PRPF6: variants seen among roughly 807,000 people sequenced by gnomAD.
PRPF6 encodes the protein pre-mRNA-processing factor 6.
In PRPF6, 42 loss-of-function variants were observed where a neutral mutation model predicts 118.3. The observed-to-expected ratio is 0.35, with a 90% confidence interval of 0.28 to 0.46. The LOEUF (loss-of-function observed/expected upper bound fraction) is 0.46. Ranked by LOEUF, PRPF6 falls within the 20% of genes least tolerant of loss-of-function variation. PRPF6 has a pLI of 1.00. For missense variants in PRPF6, 662 were observed against 1,255.7 expected, an observed-to-expected ratio of 0.53 and a Z score of 7.15; for synonymous variants, 481 against 485.1, an observed-to-expected ratio of 0.99 and a Z score of 0.11.
In PRPF6 at chr20:64,027,819, G is replaced by A. The variant is rs554027919; in HGVS notation, c.2339+83G>A. On this transcript the variant is annotated intron_variant, in intron 17 of 20. Transcript: ENST00000266079. The surrounding 1 kb of genome is among the most constrained non-coding windows in gnomAD (Gnocchi z 6.5). Reference sequence around the variant, plus strand: ...GCCGTCACCCAGCTGCTTGTGTGGAGTCACTCGTGCAGTGCTTCCAGGCTC... The same window carrying A: ...GCCGTCACCCAGCTGCTTGTGTGGAATCACTCGTGCAGTGCTTCCAGGCTC... 44 of 1,582,974 alleles carry A rather than the reference G, an allele frequency of 2.8e-5. No homozygotes were observed. The African/African-American group carries it at 5.0e-4, about 18-fold the overall frequency.
At chr20:63,999,582 T>C in intron 7 of PRPF6, 21 bp from the exon 8 acceptor site, 1 of 1,613,754 alleles carries the variant, frequency 6.2e-7, no homozygotes, top group Non-Finnish European at 8.5e-7. Flanking sequence ...CCTGATGCCG[T>C]GTGCACTCTC....
intron 3 of PRPF6, among the ~76,000 whole-genome samples, chr20:63,991,744 C>T (rs1238666095): frequency 2.0e-5 from 3 of 151,506 alleles, no homozygotes; most frequent in African/African-American, 4.9e-5. Flanking sequence ...GAGCTGAGAT[C>T]GCACCACTGC....
At chr20:64,003,065 C>T (rs2059174991) in intron 9 of PRPF6, among the ~76,000 whole-genome samples, 1 of 152,018 alleles carries the variant, frequency 6.6e-6, no homozygotes, top group Admixed American at 6.6e-5. Flanking sequence ...CCAGCTTAGC[C>T]TCCCAAGTAG....
chr20:64,017,531 G>A (rs112017279), intron 12 of PRPF6, among the ~76,000 whole-genome samples: 2 of 150,212 alleles, frequency 1.3e-5, no homozygotes, highest in East Asian at 2.0e-4. Flanking sequence ...GATCACAGGC[G>A]TGAGCCGCCG....
At chr20:64,019,383 G>A (rs1370236613) in intron 12 of PRPF6, among the ~76,000 whole-genome samples, 1 of 152,090 alleles carries the variant, frequency 6.6e-6, no homozygotes, top group Admixed American at 6.5e-5. Flanking sequence ...ACTGCTCCTG[G>A]CCTGTTTTTC....
At chr20:64,023,511 G>A (rs761920444) in intron 13 of PRPF6, among the ~76,000 whole-genome samples, 2 of 152,170 alleles carry the variant, frequency 1.3e-5, no homozygotes, top group Non-Finnish European at 2.9e-5. Flanking sequence ...TACCAGGTGA[G>A]GACAGGCCCT....
intron 7 of PRPF6, among the ~76,000 whole-genome samples, 197 bp downstream of exon 7, chr20:63,999,336 T>C (rs527774374): frequency 1.3e-5 from 2 of 152,186 alleles, no homozygotes; most frequent in East Asian, 3.9e-4. Context: ...CATATGATAC[T>C]GCAAAGTCCC....
chr20:64,016,640 C>A, intron 11 of PRPF6, 83 bp from the exon 12 acceptor site: 1 of 1,559,692 alleles, frequency 6.4e-7, no homozygotes, highest in South Asian at 1.2e-5. Flanking sequence ...CAGTTTTAAC[C>A]GTTCAGGAAC....
intron 9 of PRPF6, among the ~76,000 whole-genome samples, chr20:64,003,427 A>G (rs913156436): frequency 1.3e-5 from 2 of 152,182 alleles, no homozygotes; most frequent in African/African-American, 4.8e-5. Flanking sequence ...CTTATCAAAT[A>G]TAGTTTCATT....
rs1324928041 is a variant in PRPF6 at position 64,011,169 on chromosome 20, T to C, written c.1306-116T>C. The C allele has an allele frequency of 8.0e-6, 7 of 872,802 alleles. No homozygotes were observed. The highest frequency in any genetic ancestry group is 1.1e-5 in the Non-Finnish European group (6 of 537,510). 54.1% of individuals were successfully genotyped at this position (872,802 alleles called of 1,614,324 possible). A position where few individuals can be genotyped will look rare whatever the true frequency, so the allele number is the denominator to read the frequency against. On this transcript the variant is annotated intron_variant, in intron 10 of 20. Transcript: ENST00000266079. This position sits in a 1 kb window ranked among gnomAD's most constrained non-coding sequence, Gnocchi z 6.7. Reference sequence around the variant, plus strand: ...ACTTCTCAGGCCATGTTCAGATGGTTCTCGAGAGCTAAGAAAGAACGTGGT... The same window carrying C: ...ACTTCTCAGGCCATGTTCAGATGGTCCTCGAGAGCTAAGAAAGAACGTGGT...
intron 6 of PRPF6, among the ~76,000 whole-genome samples, chr20:63,997,850 C>T (rs1203257706): frequency 1.3e-5 from 2 of 152,060 alleles, no homozygotes; most frequent in Admixed American, 6.6e-5. Flanking sequence ...GCTGGGATTA[C>T]AGGCATGAGC....
rs759467530 is a variant in PRPF6, at chr20:64,028,439, G to A, written c.2340-39G>A. On this transcript the variant is annotated intron_variant, in intron 17 of 20. Coordinates refer to ENST00000266079, the MANE Select transcript of PRPF6 (RefSeq NM_012469.4). The surrounding 1 kb of genome is among the most constrained non-coding windows in gnomAD (Gnocchi z 6.5). ...GAAGCTACCAGAATATGTGCTGTTG[G>A]TAGACGGCTGTGGGACCTCCGGGGG... is the stretch of plus-strand genomic sequence containing the variant. 6.2e-7 allele frequency: 1 copy of A among 1,606,650 alleles called. No homozygotes were observed. The highest frequency in any genetic ancestry group is 1.1e-5 in the South Asian group (1 of 90,944).
rs58839408 is a variant in PRPF6 at position 64,021,289 on chromosome 20, CGTGTGTGT to C, written c.1648-1456_1648-1449del. ...CCTATGCCTTGGCCACAGCCCCGTG[CGTGTGTGT>C]GTGTGTGTGTGCATGTATGCATATG... is the stretch of plus-strand genomic sequence containing the variant. On this transcript the variant is annotated intron_variant, in intron 12 of 20. Transcript: ENST00000266079. 2.2e-5 allele frequency among the ~76,000 whole-genome samples: 3 copies of C among 138,894 alleles called. No homozygotes were observed. The Admixed American group carries it at 2.2e-4, about 10-fold the overall frequency. The allele number at this position is 138,894 out of a possible 152,430, so 91.1% of individuals were successfully genotyped here.
At position 64,013,359 on chromosome 20, in the gene PRPF6, G is replaced by A. The variant is rs534719236; in HGVS notation, c.1524+1856G>A. 3.9e-5 allele frequency among the ~76,000 whole-genome samples: 6 copies of A among 152,268 alleles called. No individual in the cohort carries two copies. In the South Asian group the frequency reaches 1.2e-3, roughly 32 times the overall value. On this transcript the variant is annotated intron_variant, in intron 11 of 20. Transcript: ENST00000266079. ...ACCCACTGAGTTATGTTTCTCTCAAGAAAAATAAATAATGAAATTACTATT... is the reference window on the plus strand; with the variant it reads ...ACCCACTGAGTTATGTTTCTCTCAAAAAAAATAAATAATGAAATTACTATT...
At chr20:63,988,761 T>A (rs1299104892) in intron 3 of PRPF6, among the ~76,000 whole-genome samples, 1 of 150,788 alleles carries the variant, frequency 6.6e-6, no homozygotes, top group African/African-American at 2.4e-5. Context: ...CCCAGCTACT[T>A]GGGAGGCTGA....
At chr20:64,016,891 T>C (rs1403863424) in intron 12 of PRPF6, 46 bp downstream of exon 12, 1 of 1,613,376 alleles carries the variant, frequency 6.2e-7, no homozygotes, top group East Asian at 2.2e-5. Context: ...GAGTCTCTGC[T>C]TGTGGGAACA....
intron 6 of PRPF6, 98 bp downstream of exon 6, chr20:63,995,580 TCC>T: frequency 1.5e-6 from 2 of 1,302,796 alleles, no homozygotes; most frequent in African/African-American, 2.9e-5. Flanking sequence ...CTTTTTCTTC[TCC>T]TCCTTCTCCT....
chr20:63,990,326 A>T lies in PRPF6; in HGVS notation c.360-3081A>T, dbSNP rs190180164. Among the ~76,000 whole-genome samples, 704 of 152,006 alleles carry T rather than the reference A, an allele frequency of 4.6e-3. 3 individuals carry two copies. Among genetic ancestry groups the T allele is most frequent in the Non-Finnish European group, 8.4e-3 (570 of 67,932 alleles). On this transcript the variant is annotated intron_variant, in intron 3 of 20. Transcript: ENST00000266079. ...AGATTTCATGGGGACACAGATGTAA[A>T]CCATATCCTTTGGCCTCCCAGAGTG...
chr20:63,983,549 C>T (rs1375711468), intron 2 of PRPF6, among the ~76,000 whole-genome samples: 3 of 145,240 alleles, frequency 2.1e-5, no homozygotes, highest in Admixed American at 7.0e-5. Flanking sequence ...TTGGCATTTC[C>T]TATTGGCCAG....
Sources: allele counts gnomAD v4.1 joint callset (sites outside exome capture counted in the v4.1 genomes callset), GRCh38; gene constraint gnomAD v4.1.1; non-coding constraint Gnocchi (gnomAD v3.1); transcripts MANE v1.5; gene names NCBI Gene and HGNC (gene_info 2026-07-23, HGNC 2026-07-21).